The following PARP11 variants were observed in gnomAD, a reference collection of about 807,000 sequenced individuals.
PARP11 encodes the protein protein mono-ADP-ribosyltransferase PARP11.
In PARP11, 31 loss-of-function variants were observed where a neutral mutation model predicts 42.9. The observed-to-expected ratio is 0.72, with a 90% CI of 0.54 to 0.98. The LOEUF is 0.98. PARP11 is among the 50% of genes least tolerant of loss of function. PARP11 has a pLI of 0.00. For synonymous variants in PARP11, 137 were observed against 127.3 expected (o/e 1.08, Z -0.51); for missense variants, 365 against 413.1 (o/e 0.88, Z 1.01).
At chr12:3,860,653 A>ATT (rs1948280000) in intron 1 of PARP11, among the ~76,000 whole-genome samples, 1 of 151,876 alleles carries the variant, frequency 6.6e-6, no homozygotes, top group African/African-American at 2.4e-5. Context: ...ACACCACTAT[A>ATT]TTTTTTAACT....
chr12:3,832,355 T>C (rs529261338), intron 1 of PARP11, among the ~76,000 whole-genome samples: 1 of 152,280 alleles, frequency 6.6e-6, no homozygotes, highest in South Asian at 2.1e-4. Context: ...AAGCAGAGAA[T>C]AATACAATTT....
intron 4 of PARP11, among the ~76,000 whole-genome samples, chr12:3,823,581 C>T (rs755090201): frequency 1.2e-4 from 18 of 152,106 alleles, no homozygotes; most frequent in Non-Finnish European, 7.4e-5. Context: ...TGTGGATACA[C>T]CATAATAATA....
intron 6 of PARP11, among the ~76,000 whole-genome samples, chr12:3,818,595 T>C (rs2138017889): frequency 6.6e-6 from 1 of 152,352 alleles, no homozygotes; most frequent in Admixed American, 6.5e-5. Context: ...TTAGCTGTCT[T>C]CTCACATCTC....
At chr12:3,816,380 CAAG>C (rs1438433170) in intron 6 of PARP11, among the ~76,000 whole-genome samples, 1 of 152,114 alleles carries the variant, frequency 6.6e-6, no homozygotes, top group African/African-American at 2.4e-5. Context: ...TTGAAGGATC[CAAG>C]AAGAGAGCAT....
At chr12:3,847,846 T>A (rs1164002148) in intron 1 of PARP11, among the ~76,000 whole-genome samples, 3 of 152,130 alleles carry the variant, frequency 2.0e-5, no homozygotes, top group Non-Finnish European at 4.4e-5. Context: ...GAGAAATAAA[T>A]GGCAACCAAA....
intron 1 of PARP11, chr12:3,839,783 C>G: frequency 8.8e-7 from 1 of 1,138,352 alleles, no homozygotes; most frequent in South Asian, 1.2e-5. Flanking sequence ...AAAGAAAGCT[C>G]TGCTATGTGT....
chr12:3,871,965 T>C (rs1182565074), intron 1 of PARP11: 4 of 152,290 alleles, frequency 2.6e-5, no homozygotes, highest in East Asian at 3.9e-4. Flanking sequence ...AGGTGAGTGA[T>C]AGAAACTAGG....
At chr12:3,872,342 T>A (rs1001427212) in intron 1 of PARP11, among the ~76,000 whole-genome samples, 1 of 152,192 alleles carries the variant, frequency 6.6e-6, no homozygotes, top group African/African-American at 2.4e-5. Context: ...TTAGATTTGC[T>A]CTGCTTTTAC....
chr12:3,834,309 G>C (rs1273180796), intron 1 of PARP11, among the ~76,000 whole-genome samples: 1 of 152,212 alleles, frequency 6.6e-6, no homozygotes. Context: ...ATTTGGAACA[G>C]AGAGCAGAAC....
chr12:3,818,367 T>C (rs1224901498), intron 6 of PARP11, among the ~76,000 whole-genome samples: 1 of 152,188 alleles, frequency 6.6e-6, no homozygotes, highest in Non-Finnish European at 1.5e-5. Flanking sequence ...TACTTATCTG[T>C]AAACATAACT....
intron 1 of PARP11, among the ~76,000 whole-genome samples, chr12:3,838,893 T>G (rs1223539303): frequency 6.6e-6 from 1 of 152,102 alleles, no homozygotes; most frequent in Admixed American, 6.5e-5. Context: ...CGGCCCGGCG[T>G]GCGCGCCTGG....
rs140216006 is a variant in PARP11 at position 3,863,249 on chromosome 12, C to G, written c.18+9963G>C. Among the ~76,000 whole-genome samples the G allele has an allele frequency of 1.4e-3, 219 of 152,238 alleles. 1 individual carries two copies. The highest frequency in any genetic ancestry group is 2.7e-3 in the Non-Finnish European group (182 of 68,022). ...ACCTTATGAAACTCATTTATTAGTT[C>G]TAAGAGCTTTTTAAAGATTCCATTA... On this transcript the variant is annotated intron_variant, in intron 1 of 7. Transcript: ENST00000228820.
At chr12:3,833,317 A>G (rs887713624) in intron 1 of PARP11, among the ~76,000 whole-genome samples, 2 of 152,152 alleles carry the variant, frequency 1.3e-5, no homozygotes, top group African/African-American at 4.8e-5. Context: ...AAAAACTAGT[A>G]GGCCGGGCGT....
At chr12:3,850,332 T>G (rs1195317639) in intron 1 of PARP11, among the ~76,000 whole-genome samples, 2 of 152,136 alleles carry the variant, frequency 1.3e-5, no homozygotes, top group African/African-American at 4.8e-5. Flanking sequence ...TCCAAAAATC[T>G]GAAATCAGAA....
chr12:3,856,929 C>T (rs1424549333), intron 1 of PARP11, among the ~76,000 whole-genome samples: 1 of 152,130 alleles, frequency 6.6e-6, no homozygotes, highest in East Asian at 1.9e-4. Context: ...ACACATACAC[C>T]ACGGAATACT....
At chr12:3,864,420 C>T (rs1948354809) in intron 1 of PARP11, among the ~76,000 whole-genome samples, 1 of 152,196 alleles carries the variant, frequency 6.6e-6, no homozygotes, top group South Asian at 2.1e-4. Context: ...AAGGGTCTGA[C>T]AGCCTTATGA....
chr12:3,816,640 T>A (rs979234014), intron 6 of PARP11, among the ~76,000 whole-genome samples: 3 of 152,222 alleles, frequency 2.0e-5, no homozygotes, highest in Admixed American at 6.5e-5. Flanking sequence ...GTATCATACA[T>A]AATGCCAGGC....
At chr12:3,817,493 A>G (rs1361890020) in intron 6 of PARP11, among the ~76,000 whole-genome samples, 1 of 152,178 alleles carries the variant, frequency 6.6e-6, no homozygotes, top group Non-Finnish European at 1.5e-5. Context: ...ACATTCACAG[A>G]CTATGACCTT....
At chr12:3,867,709 G>A (rs527781947) in intron 1 of PARP11, among the ~76,000 whole-genome samples, 21 of 152,208 alleles carry the variant, frequency 1.4e-4, no homozygotes, top group Middle Eastern at 6.8e-3. Flanking sequence ...ACACTATTGT[G>A]TGTATAAAGA....
Sources: gnomAD v4.1 joint callset for allele counts (sites outside exome capture counted in the v4.1 genomes callset) on GRCh38, gnomAD v4.1.1 for gene constraint, MANE v1.5 for transcripts, NCBI Gene and HGNC (gene_info 2026-07-23, HGNC 2026-07-21) for gene names.